The following VPS8 variants were observed in gnomAD, a reference collection of about 807,000 sequenced individuals.
VPS8 encodes VPS8 subunit of CORVET complex.
In VPS8, 129 loss-of-function variants were observed where a neutral mutation model predicts 216.4. The ratio of observed to expected loss-of-function variants is 0.60; its 90% confidence interval spans 0.52 to 0.69. The LOEUF is 0.69. Ranked by LOEUF, VPS8 falls within the 30% of genes least tolerant of loss-of-function variation. The pLI is 0.00. For missense variants in VPS8, 1,531 were observed against 1,683.5 expected, an observed-to-expected ratio of 0.91 and a Z score of 1.59; for synonymous variants, 571 against 565.4, an observed-to-expected ratio of 1.01 and a Z score of -0.14.
chr3:184,872,442 G>A (rs1420579844), intron 21 of VPS8, among the ~76,000 whole-genome samples: 1 of 152,060 alleles, frequency 6.6e-6, no homozygotes, highest in Admixed American at 6.6e-5. Flanking sequence ...ATGCATTCCT[G>A]TAGATGGTGG....
chr3:184,865,269 T>G (rs1727124547), intron 16 of VPS8, among the ~76,000 whole-genome samples: 1 of 152,194 alleles, frequency 6.6e-6, no homozygotes. Flanking sequence ...TCTAAAACTG[T>G]AGACACACAC....
At chr3:184,886,063 C>G in intron 21 of VPS8, 47 bp from the exon 22 acceptor site, 1 of 1,580,844 alleles carries the variant, frequency 6.3e-7, no homozygotes, top group Non-Finnish European at 8.6e-7. Flanking sequence ...CAGTGGACCA[C>G]TGGACAGGGT....
chr3:184,854,128 A>C lies in VPS8; in HGVS notation c.990A>C (p.Gly330=), dbSNP rs767269967. The change falls in exon 13 of 48, where the codon GGA becomes GGC. Residue 330 remains glycine, a synonymous_variant. Coordinates refer to ENST00000625842, the MANE Select transcript of VPS8 (RefSeq NM_001009921.3). ...TTCTCTTACAGATACTGGTCATTGG[A>C]TTGAAACCATCCTTGAAAGTATGGA... ...MASLTKILVI[G]LKPSLKVWMT... 1.2e-6 allele frequency: 2 copies of C among 1,613,776 alleles called. No individual in the cohort carries two copies. The highest frequency in any genetic ancestry group is 2.2e-5 in the South Asian group (2 of 91,076).
At chr3:184,813,477 A>G (rs1254513201) in intron 1 of VPS8, among the ~76,000 whole-genome samples, 3 of 152,202 alleles carry the variant, frequency 2.0e-5, no homozygotes, top group Admixed American at 2.0e-4. Flanking sequence ...ATGTTTGTGT[A>G]AGACGTGGGT....
chr3:184,845,650 G>A (rs1029998138), intron 8 of VPS8, among the ~76,000 whole-genome samples: 1 of 151,900 alleles, frequency 6.6e-6, no homozygotes, highest in African/African-American at 2.4e-5. Context: ...AGCAACTTGG[G>A]AGGCTGAGGC....
intron 25 of VPS8, among the ~76,000 whole-genome samples, chr3:184,902,466 G>C (rs1325106377): frequency 6.6e-6 from 1 of 151,704 alleles, no homozygotes; most frequent in African/African-American, 2.4e-5. Context: ...TTGGGCGACA[G>C]AGCAAGACTC....
chr3:185,020,578 C>T (rs1157243374), intron 45 of VPS8, among the ~76,000 whole-genome samples: 1 of 151,844 alleles, frequency 6.6e-6, no homozygotes, highest in Non-Finnish European at 1.5e-5. Context: ...TCAAGCAGTC[C>T]TCCCACCTCA....
At chr3:185,015,867 G>A (rs934463914) in intron 45 of VPS8, among the ~76,000 whole-genome samples, 17 of 152,190 alleles carry the variant, frequency 1.1e-4, no homozygotes, top group Non-Finnish European at 1.5e-4. Context: ...GAGTTAGTCC[G>A]TGAATTAGTA....
At chr3:184,893,791 TTG>T (rs1361215030) in intron 22 of VPS8, among the ~76,000 whole-genome samples, 2 of 152,258 alleles carry the variant, frequency 1.3e-5, no homozygotes, top group African/African-American at 4.8e-5. Context: ...GTAGTATCAC[TTG>T]AAATACTGGA....
intron 8 of VPS8, among the ~76,000 whole-genome samples, chr3:184,845,449 C>T (rs776636609): frequency 6.6e-6 from 1 of 152,070 alleles, no homozygotes; most frequent in Non-Finnish European, 1.5e-5. Flanking sequence ...TAACATGGTA[C>T]TATAAGGATA....
intron 36 of VPS8, among the ~76,000 whole-genome samples, chr3:184,946,956 G>A (rs187256423): frequency 7.9e-5 from 12 of 152,184 alleles, no homozygotes; most frequent in East Asian, 1.9e-4. Flanking sequence ...TGTGAGACAG[G>A]CCTCAGTTCA....
chr3:184,957,796 C>T (rs1745864047), intron 37 of VPS8, among the ~76,000 whole-genome samples: 1 of 152,156 alleles, frequency 6.6e-6, no homozygotes, highest in South Asian at 2.1e-4. Context: ...TGTATTTTAA[C>T]AAAGAGCCTT....
At chr3:185,029,070 CGAGT>C (rs1757762235) in intron 46 of VPS8, among the ~76,000 whole-genome samples, 6 of 152,146 alleles carry the variant, frequency 3.9e-5, no homozygotes, top group Admixed American at 3.9e-4. Context: ...ACCAGTACTC[CGAGT>C]GAGATTTACC....
intron 6 of VPS8, 25 bp downstream of exon 6, chr3:184,838,771 G>A: frequency 6.5e-7 from 1 of 1,526,944 alleles, no homozygotes. Context: ...ACTTTTTAAA[G>A]GTAAGTTTTC....
At chr3:184,939,350 C>T (rs1271544819) in intron 35 of VPS8, among the ~76,000 whole-genome samples, 3 of 151,738 alleles carry the variant, frequency 2.0e-5, no homozygotes, top group Non-Finnish European at 4.4e-5. Context: ...TAATCTTTTT[C>T]ATCTTTAAGA....
intron 1 of VPS8, among the ~76,000 whole-genome samples, chr3:184,822,768 CATT>C (rs1392533843): frequency 1.3e-5 from 2 of 152,140 alleles, no homozygotes; most frequent in Non-Finnish European, 2.9e-5. Context: ...TGAGTATAAA[CATT>C]AGTATTGCTA....
intron 36 of VPS8, among the ~76,000 whole-genome samples, chr3:184,946,061 A>C (rs1387030301): frequency 6.6e-6 from 1 of 152,178 alleles, no homozygotes; most frequent in Admixed American, 6.5e-5. Flanking sequence ...TAGGTTCTAC[A>C]ATAGTGGTGT....
At chr3:184,963,630 T>C (rs1005796814) in intron 37 of VPS8, among the ~76,000 whole-genome samples, 3 of 152,094 alleles carry the variant, frequency 2.0e-5, no homozygotes, top group African/African-American at 7.2e-5. Flanking sequence ...TTCTTTCTTA[T>C]TGGATGTCTA....
intron 22 of VPS8, among the ~76,000 whole-genome samples, chr3:184,894,467 G>T (rs1315895530): frequency 6.8e-6 from 1 of 147,910 alleles, no homozygotes; most frequent in East Asian, 2.0e-4. Flanking sequence ...GAAGTGTTGG[G>T]AGGATTAATT....
Sources: gnomAD v4.1 joint callset for allele counts (sites outside exome capture counted in the v4.1 genomes callset) on GRCh38, gnomAD v4.1.1 for gene constraint, MANE v1.5 for transcripts, NCBI Gene and HGNC (gene_info 2026-07-23, HGNC 2026-07-21) for gene names.